Variants in RIGI observed in about 807,000 individuals in gnomAD.
RIGI encodes the protein antiviral innate immune response receptor RIG-I.
chr9:32,498,803 CA>C, the RIGI span, among the ~76,000 whole-genome samples: 1 of 151,814 alleles, frequency 6.6e-6, no homozygotes, highest in Non-Finnish European at 1.5e-5. Flanking sequence ...ACCAATGTGG[CA>C]AAACCCCATC....
chr9:32,515,534 A>AT, the RIGI span, among the ~76,000 whole-genome samples: 1 of 152,148 alleles, frequency 6.6e-6, no homozygotes, highest in Non-Finnish European at 1.5e-5. Context: ...CAGTGTAACC[A>AT]AATTGTATAG....
At chr9:32,492,602 A>G in the RIGI span, 1 of 1,581,056 alleles carries the variant, frequency 6.3e-7, no homozygotes, top group Non-Finnish European at 8.7e-7. Context: ...ATCAATTTTT[A>G]CTGAAGAAAT....
the RIGI span, among the ~76,000 whole-genome samples, chr9:32,465,774 G>A: frequency 6.6e-5 from 10 of 152,162 alleles, no homozygotes; most frequent in Non-Finnish European, 1.5e-4. Flanking sequence ...GAAAGTATGG[G>A]TATGTGTTTC....
chr9:32,476,412 G>A, the RIGI span, among the ~76,000 whole-genome samples: 2 of 152,092 alleles, frequency 1.3e-5, no homozygotes, highest in Non-Finnish European at 1.5e-5. Flanking sequence ...TGATGAGGTG[G>A]GAGAATCGCT....
chr9:32,468,079 G>T, the RIGI span: 8 of 672,934 alleles, frequency 1.2e-5, no homozygotes, highest in Non-Finnish European at 1.9e-5. Flanking sequence ...CACCTAGGCA[G>T]TGGGATCTAT....
At chr9:32,476,630 C>T in the RIGI span, among the ~76,000 whole-genome samples, 8 of 149,888 alleles carry the variant, frequency 5.3e-5, no homozygotes, top group Admixed American at 1.3e-4. Flanking sequence ...GTTTCTTGAC[C>T]GTAGAGAGAA....
At chr9:32,485,574 T>G in the RIGI span, 1 of 428,548 alleles carries the variant, frequency 2.3e-6, no homozygotes, top group African/African-American at 2.2e-5. Flanking sequence ...CAAGTCTCAC[T>G]GTGTCACCCA....
chr9:32,473,185 T>A, the RIGI span: 1 of 527,226 alleles, frequency 1.9e-6, no homozygotes. Context: ...GTTTTCAGAC[T>A]GACAAACCTG....
chr9:32,489,422 A>G, the RIGI span: 1 of 1,613,318 alleles, frequency 6.2e-7, no homozygotes, highest in Non-Finnish European at 8.5e-7. Flanking sequence ...CTTGGTTTAA[A>G]TGGGCTGTAC....
chr9:32,496,598 C>T, the RIGI span, among the ~76,000 whole-genome samples: 1 of 152,206 alleles, frequency 6.6e-6, no homozygotes, highest in African/African-American at 2.4e-5. Context: ...AGATTGTGGA[C>T]AGCAGATCAT....
the RIGI span, among the ~76,000 whole-genome samples, chr9:32,504,307 T>C: frequency 5.3e-5 from 8 of 151,880 alleles, no homozygotes; most frequent in African/African-American, 1.9e-4. Context: ...GGCAAAAAAA[T>C]ATGAGTCAAA....
At chr9:32,462,404 C>CTTTTTTTTT in the RIGI span, among the ~76,000 whole-genome samples, 1 of 85,924 alleles carries the variant, frequency 1.2e-5, no homozygotes, top group African/African-American at 4.5e-5. Flanking sequence ...TTAGATCTAG[C>CTTTTTTTTT]TTTTTTTTTT....
chr9:32,466,690 C>CAAAA, the RIGI span, among the ~76,000 whole-genome samples: 76 of 68,602 alleles, frequency 1.1e-3, 8 homozygotes, highest in African/African-American at 4.4e-3. Flanking sequence ...AGACCTATCT[C>CAAAA]AAAAAAAAAA....
the RIGI span, chr9:32,476,913 T>C: frequency 3.7e-6 from 5 of 1,353,960 alleles, no homozygotes; most frequent in South Asian, 1.4e-5. Flanking sequence ...TGAGACACCA[T>C]ACCCAGCCCA....
the RIGI span, among the ~76,000 whole-genome samples, chr9:32,504,928 GATATAAT>G: frequency 8.1e-6 from 1 of 123,780 alleles, no homozygotes; most frequent in Non-Finnish European, 1.7e-5. Context: ...ATTATATATA[GATATAAT>G]ATATATTTAA....
chr9:32,507,847 G>C, the RIGI span, among the ~76,000 whole-genome samples: 32 of 151,922 alleles, frequency 2.1e-4, no homozygotes, highest in Non-Finnish European at 2.9e-4. Flanking sequence ...ACTTTACATG[G>C]GTCTCTGGCA....
At chr9:32,516,186 TTCA>T in the RIGI span, among the ~76,000 whole-genome samples, 1 of 152,196 alleles carries the variant, frequency 6.6e-6, no homozygotes, top group Non-Finnish European at 1.5e-5. Flanking sequence ...AGGCCCCTCA[TTCA>T]TCATGATTGC....
the RIGI span, chr9:32,456,951 T>G: frequency 1.7e-6 from 1 of 595,366 alleles, no homozygotes; most frequent in South Asian, 2.2e-5. Flanking sequence ...CTCAGTGCTG[T>G]GATTCACTCA....
the RIGI span, among the ~76,000 whole-genome samples, chr9:32,487,093 G>C: frequency 1.3e-5 from 2 of 152,172 alleles, no homozygotes; most frequent in Non-Finnish European, 2.9e-5. Context: ...CAACTAAAAT[G>C]ATCAAATACA....
Sources: allele counts gnomAD v4.1 joint callset (sites outside exome capture counted in the v4.1 genomes callset), GRCh38; gene constraint gnomAD v4.1.1; transcripts MANE v1.5; gene names NCBI Gene and HGNC (gene_info 2026-07-23, HGNC 2026-07-21).